Variants in MEGF10 observed in about 807,000 individuals in gnomAD.
MEGF10 encodes the protein multiple EGF like domains 10.
In MEGF10, 86 loss-of-function variants were observed where a neutral mutation model predicts 147.5. That is an observed-to-expected ratio of 0.58 (90% CI 0.49 to 0.70). The LOEUF (loss-of-function observed/expected upper bound fraction) is 0.70. Among genes scored for constraint, MEGF10 ranks in the 30% least tolerant of loss-of-function variants. The pLI, the probability that MEGF10 is intolerant of heterozygous loss-of-function variation, is 0.00. For synonymous variants in MEGF10, 478 were observed against 525.5 expected (o/e 0.91, Z 1.24); for missense variants, 1,329 against 1,487.3 (o/e 0.89, Z 1.75).
chr5:127,333,284 G>A (rs777117794), intron 2 of MEGF10, among the ~76,000 whole-genome samples: 1 of 152,132 alleles, frequency 6.6e-6, no homozygotes, highest in Non-Finnish European at 1.5e-5. Context: ...GGGAGGCCAA[G>A]GCAGATAGAT....
chr5:127,372,746 G>T (rs1170640488), intron 5 of MEGF10, among the ~76,000 whole-genome samples: 1 of 152,186 alleles, frequency 6.6e-6, no homozygotes, highest in Non-Finnish European at 1.5e-5. Context: ...TACCAGAATT[G>T]AAGTGCTCTT....
At chr5:127,449,279 A>T in intron 22 of MEGF10, 57 bp downstream of exon 22, 1 of 1,596,518 alleles carries the variant, frequency 6.3e-7, no homozygotes, top group African/African-American at 1.3e-5. Flanking sequence ...TCCCTGAAAC[A>T]GTCACGGATC....
chr5:127,391,593 G>A (rs1188794958), intron 5 of MEGF10, among the ~76,000 whole-genome samples: 1 of 150,888 alleles, frequency 6.6e-6, no homozygotes, highest in Non-Finnish European at 1.5e-5. Flanking sequence ...AAAAAAGAGA[G>A]TGCTGGTTTC....
chr5:127,337,070 G>C lies in MEGF10; in HGVS notation c.117-2050G>C, dbSNP rs372293525. ...GAGTTTATTCGGGCGCAAAATTTGA[G>C]GACGGCCATACAGAAAACAGACTTC... On this transcript the variant is annotated intron_variant, in intron 2 of 24. Transcript: ENST00000503335. Among the ~76,000 whole-genome samples the C allele has an allele frequency of 6.6e-5, 10 of 152,212 alleles. 1 individual carries two copies. The highest frequency in any genetic ancestry group is 4.6e-4 in the Admixed American group (7 of 15,268).
At chr5:127,259,344 C>T in the MEGF10 span, among the ~76,000 whole-genome samples, 3 of 152,258 alleles carry the variant, frequency 2.0e-5, no homozygotes, top group Non-Finnish European at 4.4e-5. Flanking sequence ...TTTTGAGCTT[C>T]CATTCTATTT....
the MEGF10 span, among the ~76,000 whole-genome samples, chr5:127,274,622 C>A: frequency 6.6e-6 from 1 of 151,786 alleles, no homozygotes; most frequent in African/African-American, 2.4e-5. Flanking sequence ...TTTTAAAAAT[C>A]TATTTTTTTT....
intron 1 of MEGF10, among the ~76,000 whole-genome samples, chr5:127,299,346 C>G (rs1476443696): frequency 6.6e-6 from 1 of 152,082 alleles, no homozygotes; most frequent in African/African-American, 2.4e-5. Flanking sequence ...TTTTTTGAGT[C>G]TGAAATACAA....
chr5:127,325,827 GTA>G (rs10550881), intron 1 of MEGF10, among the ~76,000 whole-genome samples: 77,608 of 132,924 alleles, frequency 0.58, 21,815 homozygotes, highest in Middle Eastern at 0.73. Flanking sequence ...AGATTTGAGA[GTA>G]TATATATATA....
the MEGF10 span, among the ~76,000 whole-genome samples, chr5:127,268,912 G>T: frequency 6.6e-6 from 1 of 152,230 alleles, no homozygotes; most frequent in Admixed American, 6.5e-5. Flanking sequence ...CGATCAGGCA[G>T]CAACATTTGC....
chr5:127,455,263 A>G lies in MEGF10; in HGVS notation c.3026-138A>G. On this transcript the variant is annotated intron_variant, in intron 23 of 24. Coordinates refer to ENST00000503335, the MANE Select transcript of MEGF10 (RefSeq NM_001256545.2). ...TTTTATAGCAGATTCTCTCCAAAAC[A>G]AGTGGAAAAGGTACAGTATTATTTT... is the stretch of plus-strand genomic sequence containing the variant. 3 of 791,862 alleles carry G rather than the reference A, an allele frequency of 3.8e-6. No homozygotes were observed. The South Asian group carries it at 5.2e-5, about 14-fold the overall frequency. The allele number at this position is 791,862 out of a possible 1,614,324, so 49.1% of individuals were successfully genotyped here. A position where few individuals can be genotyped will look rare whatever the true frequency, so the allele number is the denominator to read the frequency against.
intron 4 of MEGF10, 65 bp from the exon 5 acceptor site, chr5:127,369,845 G>C: frequency 7.8e-7 from 1 of 1,281,148 alleles, no homozygotes; most frequent in Non-Finnish European, 1.1e-6. Context: ...ATGTGCAACA[G>C]CTGTGTTGTT....
chr5:127,388,514 TC>T (rs1763520818), intron 5 of MEGF10, among the ~76,000 whole-genome samples: 5 of 143,522 alleles, frequency 3.5e-5, no homozygotes, highest in Admixed American at 2.9e-4. Flanking sequence ...TTTTCTTTTT[TC>T]TTTTTATTTA....
the MEGF10 span, among the ~76,000 whole-genome samples, chr5:127,236,226 C>T: frequency 6.6e-6 from 1 of 152,232 alleles, no homozygotes; most frequent in African/African-American, 2.4e-5. Context: ...CCACCTCAGC[C>T]TCCCAAAGTG....
the MEGF10 span, among the ~76,000 whole-genome samples, chr5:127,274,399 G>A: frequency 6.6e-6 from 1 of 152,036 alleles, no homozygotes; most frequent in Non-Finnish European, 1.5e-5. Context: ...TGTGATAAAG[G>A]TATCATGGTT....
intron 4 of MEGF10, among the ~76,000 whole-genome samples, chr5:127,366,097 A>G (rs1461682586): frequency 2.0e-5 from 3 of 152,018 alleles, no homozygotes; most frequent in Non-Finnish European, 2.9e-5. Context: ...AGTAGGTGGC[A>G]TTTGAAGCTG....
chr5:127,234,464 G>A, the MEGF10 span, among the ~76,000 whole-genome samples: 2 of 152,210 alleles, frequency 1.3e-5, no homozygotes, highest in African/African-American at 4.8e-5. Context: ...GCCACATTCT[G>A]TACCATTTTG....
intron 9 of MEGF10, among the ~76,000 whole-genome samples, chr5:127,415,896 C>CAAAAAAAA (rs1156648076): frequency 3.6e-5 from 2 of 55,596 alleles, no homozygotes; most frequent in African/African-American, 5.8e-5. Flanking sequence ...GACTCCATCT[C>CAAAAAAAA]AAAAAAAAAA....
At chr5:127,273,063 A>T in the MEGF10 span, among the ~76,000 whole-genome samples, 1 of 152,170 alleles carries the variant, frequency 6.6e-6, no homozygotes, top group Non-Finnish European at 1.5e-5. Flanking sequence ...AGTTGCAGCC[A>T]CATTTGTTGG....
At chr5:127,251,327 C>T in the MEGF10 span, among the ~76,000 whole-genome samples, 1 of 151,996 alleles carries the variant, frequency 6.6e-6, no homozygotes, top group Non-Finnish European at 1.5e-5. Context: ...GATCTCAAGC[C>T]AGGCCACACA....
Sources: gnomAD v4.1 joint callset for allele counts (sites outside exome capture counted in the v4.1 genomes callset) on GRCh38, gnomAD v4.1.1 for gene constraint, MANE v1.5 for transcripts, NCBI Gene and HGNC (gene_info 2026-07-23, HGNC 2026-07-21) for gene names.